Variants in SLC2A9 observed in about 807,000 individuals in gnomAD.
SLC2A9 encodes the protein solute carrier family 2, facilitated glucose transporter member 9.
In SLC2A9, 39 loss-of-function variants were observed where a neutral mutation model predicts 50.6. The ratio of observed to expected loss-of-function variants is 0.77; its 90% confidence interval spans 0.60 to 1.01. SLC2A9 has a LOEUF of 1.01. Ranked by LOEUF, SLC2A9 falls within the 50% of genes least tolerant of loss-of-function variation. The pLI is 0.00. For missense variants in SLC2A9, 686 were observed against 677.6 expected (o/e 1.01, Z -0.14); for synonymous variants, 324 against 276.9 (o/e 1.17, Z -1.69).
At chr4:9,955,210 C>CAAAGTTCAAACCGTGCACTT (rs1751014326) in intron 5 of SLC2A9, among the ~76,000 whole-genome samples, 3 of 116,762 alleles carry the variant, frequency 2.6e-5, no homozygotes, top group African/African-American at 8.2e-5. Context: ...AACTCCAAGT[C>CAAAGTTCAAACCGTGCACTT]GGCCGGGCGC....
chr4:9,813,755 G>A (rs1480340363), intron 3 of SLC2A9, among the ~76,000 whole-genome samples: 2 of 152,076 alleles, frequency 1.3e-5, no homozygotes, highest in Admixed American at 1.3e-4. Context: ...ACAGACTGGG[G>A]AGTCAGAGAA....
At chr4:9,822,983 C>T (rs1724612094), downstream of SLC2A9, among the ~76,000 whole-genome samples, 1 of 152,112 alleles carries the variant, frequency 6.6e-6, no homozygotes, top group Admixed American at 6.6e-5. Context: ...ATTAACTATA[C>T]TTTGGGTTTT....
chr4:10,021,210 C>T (rs1267389581), intron 1 of SLC2A9, 70 bp downstream of exon 1: 65 of 1,539,578 alleles, frequency 4.2e-5, no homozygotes, highest in South Asian at 5.6e-5. Flanking sequence ...TGAGCACTGT[C>T]ACACGGCTGC....
chr4:9,908,815 T>C (rs1208447486), intron 7 of SLC2A9, among the ~76,000 whole-genome samples: 1 of 152,152 alleles, frequency 6.6e-6, no homozygotes, highest in African/African-American at 2.4e-5. Context: ...GGCAGCGAGA[T>C]AGAAACAGTA....
At chr4:9,845,461 G>A (rs1291061268) in intron 10 of SLC2A9, among the ~76,000 whole-genome samples, 13 of 91,588 alleles carry the variant, frequency 1.4e-4, no homozygotes, top group African/African-American at 3.6e-4. Context: ...ACGGAGTCTC[G>A]CTCTGTCGCC....
intron 1 of SLC2A9, among the ~76,000 whole-genome samples, chr4:10,020,946 C>T (rs1289652891): frequency 2.6e-5 from 4 of 152,206 alleles, no homozygotes; most frequent in African/African-American, 7.2e-5. Flanking sequence ...CACTGACCGA[C>T]GGTGCTGCTG....
chr4:9,782,863 C>A (rs139837734), intron 3 of SLC2A9: 28 of 1,611,596 alleles, frequency 1.7e-5, no homozygotes, highest in Non-Finnish European at 2.2e-5. Flanking sequence ...GCGCAGCCTG[C>A]GCGCCCGACA....
At chr4:9,991,950 G>A (rs564337523) in intron 3 of SLC2A9, among the ~76,000 whole-genome samples, 33 of 152,360 alleles carry the variant, frequency 2.2e-4, no homozygotes, top group South Asian at 8.3e-4. Context: ...CACATACACT[G>A]AAGGCTCCTC....
intron 10 of SLC2A9, among the ~76,000 whole-genome samples, chr4:9,882,120 T>A (rs753589202): frequency 6.6e-6 from 1 of 152,206 alleles, no homozygotes; most frequent in Non-Finnish European, 1.5e-5. Context: ...TTTTAATTCA[T>A]CCTCAGCCAA....
chr4:9,852,466 A>T (rs1176748792), intron 10 of SLC2A9, among the ~76,000 whole-genome samples: 1 of 151,604 alleles, frequency 6.6e-6, no homozygotes, highest in Non-Finnish European at 1.5e-5. Flanking sequence ...GTTAGCCAGG[A>T]TGGTCTCGAT....
chr4:9,979,132 T>A (rs1315439009), intron 5 of SLC2A9, among the ~76,000 whole-genome samples: 1 of 152,098 alleles, frequency 6.6e-6, no homozygotes, highest in African/African-American at 2.4e-5. Flanking sequence ...ACACAACCCA[T>A]ACGTGGCTTT....
intron 5 of SLC2A9, among the ~76,000 whole-genome samples, chr4:9,962,698 C>T (rs757539643): frequency 6.6e-6 from 1 of 152,060 alleles, no homozygotes; most frequent in African/African-American, 2.4e-5. Context: ...GCACACCCTG[C>T]GCATATACCC....
intron 9 of SLC2A9, among the ~76,000 whole-genome samples, chr4:9,889,727 A>C (rs139231877): frequency 6.6e-6 from 1 of 152,324 alleles, no homozygotes; most frequent in African/African-American, 2.4e-5. Flanking sequence ...TGCATTTTTG[A>C]AAAATGCAAA....
chr4:9,839,484 G>T (rs143826374), intron 10 of SLC2A9, among the ~76,000 whole-genome samples: 1,590 of 152,006 alleles, frequency 0.01, 23 homozygotes, highest in South Asian at 0.025. Context: ...TCATTACCAG[G>T]TATATACCCA....
At chr4:9,982,758 C>T (rs992504379) in intron 4 of SLC2A9, among the ~76,000 whole-genome samples, 56 of 152,240 alleles carry the variant, frequency 3.7e-4, no homozygotes, top group African/African-American at 1.1e-3. Context: ...ATTAAGAACA[C>T]AAATAACAAC....
At position 9,913,446 on chromosome 4, in the gene SLC2A9, T is replaced by C. The variant is rs577600858; in HGVS notation, c.1003-5101A>G. Reference sequence around the variant, plus strand: ...GGTGGCCGCCACAGACAAATGGTGATGTATAGGATCTATCTTGAAGTACAG... The same window carrying C: ...GGTGGCCGCCACAGACAAATGGTGACGTATAGGATCTATCTTGAAGTACAG... On this transcript the variant is annotated intron_variant, in intron 7 of 11. Coordinates refer to ENST00000264784, the MANE Select transcript of SLC2A9 (RefSeq NM_020041.3). Among the ~76,000 whole-genome samples, 165 of 152,136 alleles carry C rather than the reference T, an allele frequency of 1.1e-3. 1 individual carries two copies. Among genetic ancestry groups the C allele is most frequent in the African/African-American group, 3.8e-3 (158 of 41,494 alleles).
intron 3 of SLC2A9, among the ~76,000 whole-genome samples, chr4:9,989,802 A>G (rs1220378998): frequency 6.6e-6 from 1 of 151,858 alleles, no homozygotes. Flanking sequence ...GATTATCTCT[A>G]CACTGACCTC....
At chr4:9,919,903 G>C (rs1743582319) in intron 7 of SLC2A9, among the ~76,000 whole-genome samples, 1 of 152,136 alleles carries the variant, frequency 6.6e-6, no homozygotes, top group African/African-American at 2.4e-5. Flanking sequence ...GAACCTCATG[G>C]AGAGACCTCC....
chr4:9,905,443 G>C (rs1029118493), intron 8 of SLC2A9, among the ~76,000 whole-genome samples: 5 of 152,252 alleles, frequency 3.3e-5, no homozygotes, highest in Non-Finnish European at 5.9e-5. Context: ...TGGTCCAGAT[G>C]ACTGAGATCC....
Sources: allele counts gnomAD v4.1 joint callset (sites outside exome capture counted in the v4.1 genomes callset), GRCh38; gene constraint gnomAD v4.1.1; transcripts MANE v1.5; gene names NCBI Gene and HGNC (gene_info 2026-07-23, HGNC 2026-07-21).